DNAH11: variants seen among roughly 807,000 people sequenced by gnomAD.
DNAH11 encodes the protein axonemal beta dynein heavy chain 11.
In DNAH11, 442 loss-of-function variants were observed where a neutral mutation model predicts 526.0. That is an observed-to-expected ratio of 0.84 (90% confidence interval 0.78 to 0.91). The LOEUF is 0.91. DNAH11 is among the 40% of genes least tolerant of loss of function. The pLI is 0.00. For synonymous variants in DNAH11, 2,461 were observed against 1,935.9 expected (o/e 1.27, Z -7.12); for missense variants, 6,989 against 5,448.7 (o/e 1.28, Z -8.90).
intron 54 of DNAH11, among the ~76,000 whole-genome samples, chr7:21,764,945 A>G (rs1288609881): frequency 1.4e-4 from 22 of 152,188 alleles, no homozygotes; most frequent in Non-Finnish European, 5.9e-5. Context: ...GCTCAAGTAG[A>G]TGTATTTCAT....
chr7:21,550,842 C>T (rs779167687), intron 2 of DNAH11, among the ~76,000 whole-genome samples: 5 of 152,152 alleles, frequency 3.3e-5, no homozygotes, highest in Admixed American at 6.5e-5. Context: ...AGGTGATTTA[C>T]GATTATCAGT....
chr7:21,597,232 T>A (rs1784894730), intron 14 of DNAH11, among the ~76,000 whole-genome samples: 2 of 152,148 alleles, frequency 1.3e-5, no homozygotes, highest in African/African-American at 4.8e-5. Context: ...TCAATGTGAC[T>A]GTAGTGAGGT....
At chr7:21,596,083 T>G (rs1000059365) in intron 14 of DNAH11, among the ~76,000 whole-genome samples, 1 of 152,232 alleles carries the variant, frequency 6.6e-6, no homozygotes, top group Non-Finnish European at 1.5e-5. Context: ...GTTTCAGTGT[T>G]TCTGTTGACT....
chr7:21,642,505 C>A (rs1787175497), intron 28 of DNAH11, among the ~76,000 whole-genome samples: 1 of 152,144 alleles, frequency 6.6e-6, no homozygotes, highest in African/African-American at 2.4e-5. Flanking sequence ...ACATTAGAGT[C>A]AGTTTCAAAC....
chr7:21,852,437 A>T, intron 66 of DNAH11, 30 bp from the exon 67 acceptor site: 1 of 1,570,650 alleles, frequency 6.4e-7, no homozygotes, highest in Non-Finnish European at 8.6e-7. Flanking sequence ...CTTAACCACC[A>T]TTTCCCACAC....
At chr7:21,751,419 A>T (rs995070067) in intron 54 of DNAH11, among the ~76,000 whole-genome samples, 3 of 152,322 alleles carry the variant, frequency 2.0e-5, no homozygotes, top group Middle Eastern at 3.4e-3. Context: ...ACATAGGCAG[A>T]TAATATAACC....
chr7:21,785,398 T>C (rs1788129260), intron 58 of DNAH11, among the ~76,000 whole-genome samples: 1 of 152,220 alleles, frequency 6.6e-6, no homozygotes, highest in African/African-American at 2.4e-5. Flanking sequence ...TTATTATGCA[T>C]TCAAATAGCC....
At chr7:21,851,745 GTGTTTGCC>G in intron 66 of DNAH11, 1 of 449,808 alleles carries the variant, frequency 2.2e-6, no homozygotes, top group South Asian at 1.6e-5. Context: ...GTGATTCTCT[GTGTTTGCC>G]TGTTTTTAGG....
intron 48 of DNAH11, 147 bp downstream of exon 48, chr7:21,739,820 G>T: frequency 3.4e-6 from 2 of 596,206 alleles, no homozygotes; most frequent in Non-Finnish European, 5.7e-6. Context: ...ACAGACAGGG[G>T]TTCTAATAAG....
rs1784332628 is a variant in DNAH11, at chr7:21,707,932, G to A, written c.6683+97G>A. ...TTTTAGTCATAGTCGCAGACTTACTGTTTATGTGTTGGCATTATTGGAAAT... is the reference window on the plus strand; with the variant it reads ...TTTTAGTCATAGTCGCAGACTTACTATTTATGTGTTGGCATTATTGGAAAT... On this transcript the variant is annotated intron_variant, in intron 40 of 81. Coordinates refer to ENST00000409508, the MANE Select transcript of DNAH11 (RefSeq NM_001277115.2). The A allele has an allele frequency of 7.0e-6, 9 of 1,282,278 alleles. No individual in the cohort carries two copies. The South Asian group carries it at 1.3e-4, about 18-fold the overall frequency. 79.4% of individuals were successfully genotyped at this position (1,282,278 alleles called of 1,614,324 possible).
chr7:21,603,914 T>C (rs1785186469), intron 18 of DNAH11, among the ~76,000 whole-genome samples: 1 of 152,192 alleles, frequency 6.6e-6, no homozygotes, highest in African/African-American at 2.4e-5. Flanking sequence ...GATGGTAGTA[T>C]TGAAAGCATT....
intron 79 of DNAH11, 29 bp downstream of exon 79, chr7:21,895,028 G>A: frequency 6.3e-7 from 1 of 1,575,490 alleles, no homozygotes; most frequent in Non-Finnish European, 8.7e-7. Flanking sequence ...ACTGCCACTG[G>A]CCCTGAGCAG....
chr7:21,635,635 A>T (rs1786826334), intron 25 of DNAH11, among the ~76,000 whole-genome samples: 1 of 151,984 alleles, frequency 6.6e-6, no homozygotes, highest in Non-Finnish European at 1.5e-5. Context: ...ATATGAGGAG[A>T]TAACAGTTGC....
intron 54 of DNAH11, among the ~76,000 whole-genome samples, chr7:21,763,158 A>G (rs1356559528): frequency 6.6e-6 from 1 of 152,032 alleles, no homozygotes; most frequent in Non-Finnish European, 1.5e-5. Context: ...CCTGGCCAAC[A>G]TAGTAAAACC....
At chr7:21,705,345 T>C in intron 38 of DNAH11, 115 bp from the exon 39 acceptor site, 1 of 911,062 alleles carries the variant, frequency 1.1e-6, no homozygotes, top group Non-Finnish European at 1.7e-6. Context: ...GAACATACTG[T>C]TGTCAGTGGG....
intron 28 of DNAH11, among the ~76,000 whole-genome samples, chr7:21,644,078 A>G (rs529414135): frequency 2.2e-4 from 33 of 152,326 alleles, no homozygotes; most frequent in Non-Finnish European, 3.7e-4. Context: ...GAAATCTGCC[A>G]ACTTGTCTTT....
intron 65 of DNAH11, among the ~76,000 whole-genome samples, chr7:21,838,507 T>G (rs2128013580): frequency 6.6e-6 from 1 of 152,308 alleles, no homozygotes; most frequent in Non-Finnish European, 1.5e-5. Flanking sequence ...GCTGTATCTT[T>G]CTGTATTTAT....
chr7:21,570,860 A>G (rs1294949918), intron 7 of DNAH11: 1 of 149,684 alleles, frequency 6.7e-6, no homozygotes, highest in Non-Finnish European at 1.5e-5. Flanking sequence ...TCTTACATTT[A>G]TATGGTGTCT....
intron 66 of DNAH11, chr7:21,851,286 A>G (rs1782623188): frequency 1.2e-5 from 3 of 245,072 alleles, no homozygotes; most frequent in Non-Finnish European, 2.4e-5. Context: ...CCGCCAAGGA[A>G]AGAAGGACAT....
Sources: gnomAD v4.1 joint callset for allele counts (sites outside exome capture counted in the v4.1 genomes callset) on GRCh38, gnomAD v4.1.1 for gene constraint, MANE v1.5 for transcripts, NCBI Gene and HGNC (gene_info 2026-07-23, HGNC 2026-07-21) for gene names.